Variants in EPHA7 observed in about 807,000 individuals in gnomAD.
EPHA7 encodes the protein ephrin type-A receptor 7.
In EPHA7, 25 loss-of-function variants were observed where a neutral mutation model predicts 112.6. That is an observed-to-expected ratio of 0.22 (90% confidence interval 0.16 to 0.31). The LOEUF (loss-of-function observed/expected upper bound fraction) is 0.31, where lower values mean the gene tolerates loss of function less well. Among genes scored for constraint, EPHA7 ranks in the 10% least tolerant of loss-of-function variants. The pLI is 1.00. For synonymous variants in EPHA7, 437 were observed against 406.5 expected, an observed-to-expected ratio of 1.07 and a Z score of -0.90; for missense variants, 962 against 1,212.6, an observed-to-expected ratio of 0.79 and a Z score of 3.07.
rs1050279013 is a variant in EPHA7, at chr6:93,240,458, A to G, written c.*2968T>C. 2.3e-5 allele frequency: 5 copies of G among 218,552 alleles called. No individual in the cohort carries two copies. Among genetic ancestry groups the G allele is most frequent in the South Asian group, 1.9e-4 (1 of 5,394 alleles). The allele number at this position is 218,552 out of a possible 1,614,324, so 13.5% of individuals were successfully genotyped here. On this transcript the variant is annotated 3_prime_UTR_variant, in exon 17 of 17. Coordinates refer to ENST00000369303, the MANE Select transcript of EPHA7 (RefSeq NM_004440.4). The stretch of plus-strand genomic sequence containing the variant: ...AACAGTACTAGCTAATGTAGATTAC[A>G]TAAGTATACAATATGATTCAACTAA...
At chr6:93,328,776 C>T (rs1369863505) in intron 5 of EPHA7, among the ~76,000 whole-genome samples, 1 of 151,318 alleles carries the variant, frequency 6.6e-6, no homozygotes, top group Admixed American at 6.6e-5. Context: ...CCTCTAAGCA[C>T]ATATCTTAAA....
chr6:93,308,090 G>A (rs1773348743), intron 5 of EPHA7, among the ~76,000 whole-genome samples: 1 of 152,132 alleles, frequency 6.6e-6, no homozygotes, highest in Non-Finnish European at 1.5e-5. Flanking sequence ...ATCAGTCACC[G>A]AAAACTGGCA....
chr6:93,285,587 A>G (rs1772021955), intron 5 of EPHA7, among the ~76,000 whole-genome samples: 2 of 151,444 alleles, frequency 1.3e-5, no homozygotes, highest in Non-Finnish European at 2.9e-5. Flanking sequence ...AAACCAAGAC[A>G]AAGAATAAAA....
intron 5 of EPHA7, among the ~76,000 whole-genome samples, chr6:93,326,841 T>C (rs894855524): frequency 6.6e-6 from 1 of 151,556 alleles, no homozygotes. Context: ...AAAGACATAT[T>C]GTAACTGAAT....
At chr6:93,390,668 G>T (rs1325612955) in intron 3 of EPHA7, among the ~76,000 whole-genome samples, 1 of 151,594 alleles carries the variant, frequency 6.6e-6, no homozygotes, top group South Asian at 2.1e-4. Flanking sequence ...GACCATAAGG[G>T]TGTTCATTAT....
chr6:93,262,034 GA>G (rs1239880300), intron 9 of EPHA7, among the ~76,000 whole-genome samples: 1 of 151,400 alleles, frequency 6.6e-6, no homozygotes, highest in Non-Finnish European at 1.5e-5. Context: ...GTGACATACT[GA>G]TTATGGTAAT....
At chr6:93,251,230 C>A (rs1023519421) in intron 14 of EPHA7, among the ~76,000 whole-genome samples, 1 of 152,018 alleles carries the variant, frequency 6.6e-6, no homozygotes, top group South Asian at 2.1e-4. Flanking sequence ...AATATAAAGT[C>A]ATAAATCAGT....
At chr6:93,259,517 A>C in intron 9 of EPHA7, 38 bp from the exon 10 acceptor site, 1 of 1,607,150 alleles carries the variant, frequency 6.2e-7, no homozygotes, top group Non-Finnish European at 8.5e-7. Context: ...TGATGAAGCA[A>C]AGCACTTATT....
intron 5 of EPHA7, among the ~76,000 whole-genome samples, chr6:93,303,055 A>G (rs1256752896): frequency 6.6e-6 from 1 of 152,180 alleles, no homozygotes; most frequent in East Asian, 1.9e-4. Flanking sequence ...TCACAAGGCC[A>G]TGTACTGTGT....
intron 5 of EPHA7, among the ~76,000 whole-genome samples, chr6:93,355,845 C>CGAGGA (rs1775917318): frequency 6.6e-6 from 1 of 152,158 alleles, no homozygotes; most frequent in Non-Finnish European, 1.5e-5. Flanking sequence ...TATGCCATTT[C>CGAGGA]TTCTGAAATC....
At chr6:93,415,410 T>C (rs1203196291) in intron 1 of EPHA7, among the ~76,000 whole-genome samples, 1 of 152,006 alleles carries the variant, frequency 6.6e-6, no homozygotes, top group African/African-American at 2.4e-5. Context: ...TTCAAAGTGA[T>C]AGATAATTCT....
intron 5 of EPHA7, among the ~76,000 whole-genome samples, chr6:93,284,552 G>A (rs1436794098): frequency 6.6e-6 from 1 of 152,084 alleles, no homozygotes; most frequent in Non-Finnish European, 1.5e-5. Context: ...TATGTTTATT[G>A]TGGCACTGTC....
At chr6:93,376,234 TG>T (rs1777054212) in intron 3 of EPHA7, among the ~76,000 whole-genome samples, 1 of 152,080 alleles carries the variant, frequency 6.6e-6, no homozygotes, top group South Asian at 2.1e-4. Flanking sequence ...CCTCAATTGC[TG>T]AGGCTCAAGT....
At chr6:93,283,077 A>G (rs369641771) in intron 5 of EPHA7, among the ~76,000 whole-genome samples, 5 of 152,280 alleles carry the variant, frequency 3.3e-5, no homozygotes, top group Admixed American at 1.3e-4. Context: ...TCCTGAGTCT[A>G]GTGGGGACTT....
At chr6:93,330,551 C>T (rs1351742375) in intron 5 of EPHA7, among the ~76,000 whole-genome samples, 1 of 151,130 alleles carries the variant, frequency 6.6e-6, no homozygotes. Flanking sequence ...ATTTCTGTAC[C>T]TCACTTATTT....
At chr6:93,251,993 A>C (rs1770237756) in intron 14 of EPHA7, among the ~76,000 whole-genome samples, 1 of 152,064 alleles carries the variant, frequency 6.6e-6, no homozygotes, top group Non-Finnish European at 1.5e-5. Context: ...TCAAGGGTTA[A>C]CTAATGGATA....
intron 5 of EPHA7, among the ~76,000 whole-genome samples, chr6:93,294,162 A>C (rs1772533353): frequency 6.6e-6 from 1 of 152,204 alleles, no homozygotes; most frequent in Non-Finnish European, 1.5e-5. Flanking sequence ...CAGTCACAAG[A>C]AGATGTCAAC....
chr6:93,407,473 T>C (rs549153277), intron 3 of EPHA7, among the ~76,000 whole-genome samples: 1 of 152,068 alleles, frequency 6.6e-6, no homozygotes. Flanking sequence ...TTTTTGCAAA[T>C]GAACATAGTT....
intron 5 of EPHA7, among the ~76,000 whole-genome samples, chr6:93,300,500 A>G (rs1772923123): frequency 6.6e-6 from 1 of 152,150 alleles, no homozygotes; most frequent in Non-Finnish European, 1.5e-5. Flanking sequence ...TTATAATTTT[A>G]TGAATTTCTG....
Sources: allele counts gnomAD v4.1 joint callset (sites outside exome capture counted in the v4.1 genomes callset), GRCh38; gene constraint gnomAD v4.1.1; transcripts MANE v1.5; gene names NCBI Gene and HGNC (gene_info 2026-07-23, HGNC 2026-07-21).